Variants in SHANK2 observed in about 807,000 individuals in gnomAD.
The protein encoded by SHANK2 is SH3 and multiple ankyrin repeat domains protein 2.
SHANK2 carries 43 observed loss-of-function variants against 133.7 expected under a neutral mutation model. The ratio of observed to expected loss-of-function variants is 0.32; its 90% CI spans 0.25 to 0.41. The LOEUF (loss-of-function observed/expected upper bound fraction) is 0.41, where lower values mean the gene tolerates loss of function less well. SHANK2 is among the 10% of genes least tolerant of loss of function. SHANK2 has a pLI of 1.00. For missense variants in SHANK2, 1,994 were observed against 2,235.8 expected, an observed-to-expected ratio of 0.89 and a Z score of 2.18; for synonymous variants, 1,017 against 952.8, an observed-to-expected ratio of 1.07 and a Z score of -1.24.
chr11:70,557,358 C>T (rs2059846865), intron 17 of SHANK2, among the ~76,000 whole-genome samples: 1 of 152,106 alleles, frequency 6.6e-6, no homozygotes, highest in Non-Finnish European at 1.5e-5. Context: ...CCAGGCCAGC[C>T]CACCCTGAGG....
At chr11:71,235,777 G>A (rs570774113) in intron 1 of SHANK2, among the ~76,000 whole-genome samples, 1 of 152,224 alleles carries the variant, frequency 6.6e-6, no homozygotes, top group African/African-American at 2.4e-5. Flanking sequence ...AAGAGCCTCC[G>A]ATCTTCAGTT....
intron 14 of SHANK2, among the ~76,000 whole-genome samples, chr11:70,735,099 C>T (rs555560726): frequency 2.7e-4 from 41 of 152,280 alleles, no homozygotes; most frequent in African/African-American, 9.1e-4. Flanking sequence ...TGGGCGAGGC[C>T]GTGGCCTCCC....
At position 70,472,792 on chromosome 11, in the gene SHANK2, T is replaced by G; in HGVS notation, c.*77A>C. 7.1e-7 allele frequency: 1 copy of G among 1,416,372 alleles called. No individual in the cohort carries two copies. Among genetic ancestry groups the G allele is most frequent in the East Asian group, 2.3e-5 (1 of 43,908 alleles). The allele number at this position is 1,416,372 out of a possible 1,614,324, so 87.7% of individuals were successfully genotyped here. On this transcript the variant is annotated 3_prime_UTR_variant, in exon 26 of 26. Transcript: ENST00000601538. This position sits in a 1 kb window ranked among gnomAD's most constrained non-coding sequence, Gnocchi z 4.4. The stretch of plus-strand genomic sequence containing the variant: ...TGGGGTTGATGCTCACAGACTTCGC[T>G]TGGCATTCAGATGTTTCAGCACGAG...
At chr11:70,564,827 T>G (rs1348615520) in intron 17 of SHANK2, among the ~76,000 whole-genome samples, 1 of 152,238 alleles carries the variant, frequency 6.6e-6, no homozygotes, top group Non-Finnish European at 1.5e-5. Context: ...ACTGGAAGTT[T>G]GATTTGGGTT....
chr11:70,738,893 G>GC (rs1946464237), intron 14 of SHANK2, among the ~76,000 whole-genome samples: 1 of 152,188 alleles, frequency 6.6e-6, no homozygotes, highest in Admixed American at 6.5e-5. Flanking sequence ...GGGTTCTGCT[G>GC]CCCCCCTCGA....
chr11:70,555,248 G>C (rs941175519), intron 17 of SHANK2, among the ~76,000 whole-genome samples: 1 of 152,074 alleles, frequency 6.6e-6, no homozygotes, highest in East Asian at 1.9e-4. Flanking sequence ...ATTGAAATGG[G>C]GCCAGTTAAG....
chr11:71,237,478 T>C (rs1207517424), intron 1 of SHANK2, among the ~76,000 whole-genome samples: 7 of 152,220 alleles, frequency 4.6e-5, no homozygotes, highest in Admixed American at 4.6e-4. Context: ...TTTTACCCTT[T>C]GTCTGGGGTG....
rs182232216 is a variant in SHANK2 at position 70,630,173 on chromosome 11, C to T, written c.2061+29655G>A. On this transcript the variant is annotated intron_variant, in intron 17 of 25. Transcript: ENST00000601538. ...GGGGTGAGGTGGGCTGCAGAGCCCA[C>T]GCTTAGAGCAAGAGAAAGGTCAGCC... is the stretch of plus-strand genomic sequence containing the variant. Among the ~76,000 whole-genome samples, 5 of 152,328 alleles carry T rather than the reference C, an allele frequency of 3.3e-5. No homozygotes were observed. The East Asian group carries it at 7.7e-4, about 24-fold the overall frequency.
intron 16 of SHANK2, 85 bp from the exon 17 acceptor site, chr11:70,660,037 A>G (rs2061461899): frequency 6.3e-7 from 1 of 1,578,690 alleles, no homozygotes; most frequent in Admixed American, 1.7e-5. Flanking sequence ...GGACCCCGGG[A>G]GGAAGTGGGC....
chr11:70,486,726 G>A lies in SHANK2; in HGVS notation c.3567C>T (p.Pro1189=), dbSNP rs1555153821. The A allele has an allele frequency of 1.9e-6, 3 of 1,610,242 alleles. No individual in the cohort carries two copies. The highest frequency in any genetic ancestry group is 2.5e-6 in the Non-Finnish European group (3 of 1,179,942). ...AQGPESSPAV[P]SASSGTAGPG... ...GGCCGGCTGTGCCGCTGCTCGCGGA[G>A]GGCACTGCTGGGCTGCTCTCGGGCC... The change falls in exon 25 of 26, where the codon CCC becomes CCT. Residue 1189 remains proline (P), a synonymous_variant. Coordinates refer to ENST00000601538, the MANE Select transcript of SHANK2 (RefSeq NM_012309.5). The surrounding 1 kb of genome is among the most constrained non-coding windows in gnomAD (Gnocchi z 8.0).
chr11:71,137,253 C>CTT (rs10713824), intron 3 of SHANK2, among the ~76,000 whole-genome samples: 1 of 128,620 alleles, frequency 7.8e-6, no homozygotes, highest in Admixed American at 8.0e-5. Context: ...TTAGTCTTTT[C>CTT]TTTTTTTTTA....
chr11:70,849,894 G>C (rs556529217), intron 11 of SHANK2, among the ~76,000 whole-genome samples: 1 of 152,192 alleles, frequency 6.6e-6, no homozygotes, highest in South Asian at 2.1e-4. Context: ...ACAGGTCAGT[G>C]ACATCAAGTA....
At chr11:70,624,094 C>G (rs1251949466) in intron 17 of SHANK2, among the ~76,000 whole-genome samples, 2 of 152,074 alleles carry the variant, frequency 1.3e-5, no homozygotes, top group African/African-American at 2.4e-5. Context: ...GGAGCAGAGG[C>G]CCTGGTTTCC....
Position 70,500,737 on chromosome 11 carries a change from AACG to A in SHANK2, c.2288-150_2288-148del. ...GGCAGGGGCTGTCTGGAACGCTGCG[AACG>A]CAGGCTGCGCTATCCATGGAGTGGC... On this transcript the variant is annotated intron_variant, in intron 20 of 25. Coordinates refer to ENST00000601538, the MANE Select transcript of SHANK2 (RefSeq NM_012309.5). This position sits in a 1 kb window ranked among gnomAD's most constrained non-coding sequence, Gnocchi z 4.5. The A allele has an allele frequency of 1.9e-6, 2 of 1,055,456 alleles. No homozygotes were observed. Among genetic ancestry groups the A allele is most frequent in the Admixed American group, 4.0e-5 (2 of 50,352 alleles). 65.4% of individuals were successfully genotyped at this position (1,055,456 alleles called of 1,614,324 possible). A position where few individuals can be genotyped will look rare whatever the true frequency, so the allele number is the denominator to read the frequency against.
intron 8 of SHANK2, among the ~76,000 whole-genome samples, chr11:71,088,417 A>G: frequency 1.3e-5 from 2 of 152,306 alleles, no homozygotes; most frequent in South Asian, 4.1e-4. Context: ...GGTGTCATCC[A>G]GCGACATCAA....
intron 17 of SHANK2, among the ~76,000 whole-genome samples, chr11:70,513,377 G>A (rs1554969561): frequency 6.6e-6 from 1 of 152,176 alleles, no homozygotes; most frequent in African/African-American, 2.4e-5. Flanking sequence ...ACTCAAATAG[G>A]CTTGCTATGA....
chr11:70,909,810 G>T (rs988961045), intron 10 of SHANK2, among the ~76,000 whole-genome samples: 4 of 152,236 alleles, frequency 2.6e-5, no homozygotes, highest in South Asian at 4.1e-4. Context: ...ACCATTTTCT[G>T]CAGGACAGTA....
intron 11 of SHANK2, chr11:70,872,406 A>C (rs568061146): frequency 1.3e-5 from 2 of 153,288 alleles, no homozygotes; most frequent in African/African-American, 4.8e-5. Context: ...GGGGAAAAAA[A>C]CCCCACACGC....
At chr11:70,941,612 G>T (rs1261475737) in intron 10 of SHANK2, among the ~76,000 whole-genome samples, 4 of 152,076 alleles carry the variant, frequency 2.6e-5, no homozygotes, top group African/African-American at 9.7e-5. Flanking sequence ...GGGGCCCCAC[G>T]ATAGGATTCG....
Sources: gnomAD v4.1 joint callset for allele counts (sites outside exome capture counted in the v4.1 genomes callset) on GRCh38, gnomAD v4.1.1 for gene constraint, Gnocchi (gnomAD v3.1) non-coding constraint, MANE v1.5 for transcripts, NCBI Gene and HGNC (gene_info 2026-07-23, HGNC 2026-07-21) for gene names.